The following GRM7 variants were observed in gnomAD, a reference collection of about 807,000 sequenced individuals.
GRM7 encodes glutamate metabotropic receptor 7, also known as metabotropic glutamate receptor 7.
GRM7 carries 35 observed loss-of-function variants against 84.5 expected under a neutral mutation model. The observed-to-expected ratio is 0.41, with a 90% CI of 0.32 to 0.55. The LOEUF (loss-of-function observed/expected upper bound fraction) is 0.55. GRM7 is among the 20% of genes least tolerant of loss of function. GRM7 has a pLI of 0.19. For synonymous variants in GRM7, 487 were observed against 455.1 expected, an observed-to-expected ratio of 1.07 and a Z score of -0.89; for missense variants, 1,003 against 1,194.6, an observed-to-expected ratio of 0.84 and a Z score of 2.36.
intron 2 of GRM7, among the ~76,000 whole-genome samples, chr3:7,177,000 G>A (rs1005288432): frequency 6.6e-6 from 1 of 152,184 alleles, no homozygotes; most frequent in African/African-American, 2.4e-5. Context: ...TACAAACTAA[G>A]TTCCAGCCAG....
At position 7,652,075 on chromosome 3, in the gene GRM7, A is replaced by G. The variant is rs908428897; in HGVS notation, c.2452-27974A>G. On this transcript the variant is annotated intron_variant, in intron 8 of 9. Transcript: ENST00000357716. ...TCCTGAAGGGTAGTCCATTTACCTGAGCAAACCATGCTTTAAACCAAGGCA... is the reference window on the plus strand; with the variant it reads ...TCCTGAAGGGTAGTCCATTTACCTGGGCAAACCATGCTTTAAACCAAGGCA... Among the ~76,000 whole-genome samples the G allele has an allele frequency of 5.9e-5, 9 of 152,346 alleles. No homozygotes were observed. The East Asian group carries it at 1.7e-3, about 29-fold the overall frequency.
chr3:7,358,054 C>T (rs550307050), intron 4 of GRM7, among the ~76,000 whole-genome samples: 1 of 152,192 alleles, frequency 6.6e-6, no homozygotes, highest in East Asian at 1.9e-4. Flanking sequence ...CTCTTTTCCT[C>T]CGTTGCTCCA....
chr3:7,615,683 A>G (rs1039782982), intron 8 of GRM7, among the ~76,000 whole-genome samples: 3 of 152,030 alleles, frequency 2.0e-5, no homozygotes, highest in Non-Finnish European at 4.4e-5. Flanking sequence ...CCTGAATTTT[A>G]TAAGGTTTTC....
intron 5 of GRM7, among the ~76,000 whole-genome samples, chr3:7,444,356 T>C (rs942232726): frequency 3.3e-5 from 5 of 152,212 alleles, no homozygotes; most frequent in Non-Finnish European, 7.3e-5. Flanking sequence ...CAATCAAAAT[T>C]GTTGAAGTAG....
chr3:6,950,553 T>A (rs558529612), intron 1 of GRM7, among the ~76,000 whole-genome samples: 1 of 152,232 alleles, frequency 6.6e-6, no homozygotes, highest in Non-Finnish European at 1.5e-5. Context: ...TCCAGCTGCA[T>A]GCTGGGAGAA....
At chr3:7,521,605 T>G (rs536999149) in intron 7 of GRM7, among the ~76,000 whole-genome samples, 1 of 152,180 alleles carries the variant, frequency 6.6e-6, no homozygotes, top group African/African-American at 2.4e-5. Context: ...TACCACTCAG[T>G]TAATGGTATT....
intron 5 of GRM7, among the ~76,000 whole-genome samples, chr3:7,447,163 T>C (rs1697553162): frequency 6.6e-6 from 1 of 152,170 alleles, no homozygotes; most frequent in Non-Finnish European, 1.5e-5. Context: ...AACCGCAGAC[T>C]CTTTCCTAGA....
At chr3:7,127,196 A>G (rs1414354578) in intron 1 of GRM7, among the ~76,000 whole-genome samples, 1 of 152,196 alleles carries the variant, frequency 6.6e-6, no homozygotes, top group South Asian at 2.1e-4. Context: ...ACAGTTCTAG[A>G]CAGCAACCAC....
chr3:7,244,729 T>A (rs1357092181), intron 2 of GRM7, among the ~76,000 whole-genome samples: 1 of 152,110 alleles, frequency 6.6e-6, no homozygotes, highest in Non-Finnish European at 1.5e-5. Context: ...AATGATTTGC[T>A]GGCTTTGACA....
chr3:7,315,125 A>C (rs921161588), intron 4 of GRM7, among the ~76,000 whole-genome samples: 17 of 152,198 alleles, frequency 1.1e-4, no homozygotes, highest in Non-Finnish European at 1.9e-4. Flanking sequence ...AACAAAACAA[A>C]ACAAAAAAAC....
chr3:7,311,266 A>G (rs1234570625), intron 4 of GRM7, among the ~76,000 whole-genome samples: 13 of 152,202 alleles, frequency 8.5e-5, no homozygotes, highest in Non-Finnish European at 2.9e-5. Flanking sequence ...TACAGGAAGA[A>G]TGATAAAATG....
chr3:6,934,639 G>A (rs1697625754), intron 1 of GRM7, among the ~76,000 whole-genome samples: 1 of 152,152 alleles, frequency 6.6e-6, no homozygotes, highest in African/African-American at 2.4e-5. Flanking sequence ...ATATAGAGGA[G>A]AGAAGAGCAG....
intron 7 of GRM7, among the ~76,000 whole-genome samples, chr3:7,527,572 G>T (rs757383556): frequency 4.6e-5 from 7 of 151,894 alleles, no homozygotes; most frequent in South Asian, 2.1e-4. Flanking sequence ...CATTGAATGG[G>T]AGTGAGAGAG....
chr3:7,676,641 C>A (rs1229278719), intron 8 of GRM7, among the ~76,000 whole-genome samples: 1 of 152,000 alleles, frequency 6.6e-6, no homozygotes, highest in Non-Finnish European at 1.5e-5. Context: ...GCCATGTTGG[C>A]CAGGCTGGTC....
chr3:7,086,880 T>G (rs1253998456), intron 1 of GRM7, among the ~76,000 whole-genome samples: 5 of 152,224 alleles, frequency 3.3e-5, no homozygotes, highest in Admixed American at 3.3e-4. Context: ...CTCTGGCTGT[T>G]GGCTATAGTC....
At chr3:7,049,587 G>T (rs1415195912) in intron 1 of GRM7, among the ~76,000 whole-genome samples, 1 of 151,844 alleles carries the variant, frequency 6.6e-6, no homozygotes, top group African/African-American at 2.4e-5. Flanking sequence ...AACAAGGGAG[G>T]CAGCTATTAA....
intron 2 of GRM7, among the ~76,000 whole-genome samples, chr3:7,249,187 T>C (rs1383230308): frequency 6.6e-6 from 1 of 152,162 alleles, no homozygotes. Flanking sequence ...CAAAGAGGTT[T>C]TGTGACCTCC....
intron 2 of GRM7, among the ~76,000 whole-genome samples, chr3:7,218,674 G>A (rs1445153630): frequency 4.6e-5 from 7 of 151,718 alleles, no homozygotes; most frequent in Non-Finnish European, 7.4e-5. Context: ...GATGTTTTCC[G>A]ATGTTTATTA....
At chr3:7,161,810 G>T (rs549618953) in intron 2 of GRM7, among the ~76,000 whole-genome samples, 1 of 152,252 alleles carries the variant, frequency 6.6e-6, no homozygotes, top group South Asian at 2.1e-4. Flanking sequence ...GAGATGAACG[G>T]GAGTAAACAA....
Sources: gnomAD v4.1 joint callset for allele counts (sites outside exome capture counted in the v4.1 genomes callset) on GRCh38, gnomAD v4.1.1 for gene constraint, MANE v1.5 for transcripts, NCBI Gene and HGNC (gene_info 2026-07-23, HGNC 2026-07-21) for gene names.